The following TSPEAR variants were observed in gnomAD, a reference collection of about 807,000 sequenced individuals.
TSPEAR encodes thrombospondin-type laminin G domain and EAR repeat-containing protein.
Under a neutral mutation model 71.6 loss-of-function variants are expected in TSPEAR, and 69 were observed. The observed-to-expected ratio is 0.96, with a 90% CI of 0.79 to 1.18. The LOEUF (loss-of-function observed/expected upper bound fraction) is 1.18. Ranked by LOEUF, TSPEAR falls within the 50% of genes most tolerant of loss-of-function variation. The probability of loss-of-function intolerance (pLI) is 0.00; values close to 1 mark genes in which losing one functional copy is unlikely to be tolerated. For missense variants in TSPEAR, 971 were observed against 894.9 expected (o/e 1.09, Z -1.09); for synonymous variants, 402 against 387.2 (o/e 1.04, Z -0.45).
Position 44,522,061 on chromosome 21 carries a change from C to T in TSPEAR, c.1388G>A (p.Arg463Gln), listed in dbSNP as rs1161990904. 1.2e-5 allele frequency: 19 copies of T among 1,613,970 alleles called. No individual in the cohort carries two copies. The highest frequency in any genetic ancestry group is 2.2e-5 in the East Asian group (1 of 44,886). ...SVIYKWNPAT[R>Q]LFEANQTIAT... ...GATGGTCTGGTTGGCCTCGAAGAGC[C>T]GGGTTGCCGGGTTCCACTTGTAGAT... is the stretch of plus-strand genomic sequence containing the variant. The change falls in exon 9 of 12, where the codon CGG becomes CAG. Residue 463 changes from arginine to glutamine, a missense_variant. Arg to Gln is a conservative substitution (Grantham distance 43, BLOSUM62 1). Coordinates refer to ENST00000323084, the MANE Select transcript of TSPEAR (RefSeq NM_144991.3).
chr21:44,623,528 T>A lies in TSPEAR; in HGVS notation c.83-55523A>T, dbSNP rs183652130. Among the ~76,000 whole-genome samples the A allele has an allele frequency of 1.3e-4, 20 of 152,382 alleles. No individual in the cohort carries two copies. The East Asian group carries it at 3.8e-3, about 29-fold the overall frequency. On this transcript the variant is annotated intron_variant, in intron 1 of 11. Transcript: ENST00000323084. This position sits in a 1 kb window ranked among gnomAD's most constrained non-coding sequence, Gnocchi z 4.5. ...GTTGTCCTCCTTTTGTTACACTTCA[T>A]TTCCTTTTCGACTTCTTGCTTCCAT...
chr21:44,692,003 A>G (rs1703307471), intron 1 of TSPEAR, among the ~76,000 whole-genome samples: 1 of 152,224 alleles, frequency 6.6e-6, no homozygotes, highest in African/African-American at 2.4e-5. Flanking sequence ...TAAAAGGATT[A>G]TATACCATGA....
chr21:44,521,925 G>A lies in TSPEAR; in HGVS notation c.1524C>T (p.Tyr508=), dbSNP rs140557785. The change falls in exon 9 of 12, where the codon TAC becomes TAT. Residue 508 remains tyrosine (Y), a synonymous_variant. Coordinates refer to ENST00000323084, the MANE Select transcript of TSPEAR (RefSeq NM_144991.3). ...GCTGGAAGGAGCCCAGGAGTCGGATGTAGAGGTGCGAGTGCACCTTGGTGG... is the reference window on the plus strand; with the variant it reads ...GCTGGAAGGAGCCCAGGAGTCGGATATAGAGGTGCGAGTGCACCTTGGTGG... ...GTSTKVHSHL[Y]IRLLGSFQLF... The A allele has an allele frequency of 3.4e-5, 55 of 1,614,082 alleles. 1 individual carries two copies. The African/African-American group carries it at 5.6e-4, about 16-fold the overall frequency.
intron 11 of TSPEAR, among the ~76,000 whole-genome samples, chr21:44,504,049 A>C (rs587764200): frequency 2.8e-4 from 38 of 136,880 alleles, no homozygotes; most frequent in African/African-American, 9.8e-4. Context: ...TCTGGGAGGA[A>C]GTTGGCCTCG....
chr21:44,708,117 G>C (rs1346302570), intron 1 of TSPEAR, among the ~76,000 whole-genome samples: 1 of 152,082 alleles, frequency 6.6e-6, no homozygotes, highest in South Asian at 2.1e-4. Context: ...GGGAGTGCAA[G>C]TGTGCGCTGG....
At chr21:44,678,219 A>C in intron 1 of TSPEAR, 2 of 355,816 alleles carry the variant, frequency 5.6e-6, no homozygotes, top group Non-Finnish European at 1.0e-5. Flanking sequence ...CTGTGTCCCC[A>C]CCCAAACTTG....
At chr21:44,500,495 G>A (rs868910884) in intron 11 of TSPEAR, among the ~76,000 whole-genome samples, 3 of 152,272 alleles carry the variant, frequency 2.0e-5, no homozygotes, top group South Asian at 4.1e-4. Flanking sequence ...CCAAGGCAGG[G>A]CGCCGACATC....
Position 44,529,838 on chromosome 21 carries a change from C to T in TSPEAR, c.750G>A (p.Thr250=), listed in dbSNP as rs782208243. 81 of 1,613,792 alleles carry T rather than the reference C, an allele frequency of 5.0e-5. No individual in the cohort carries two copies. Among genetic ancestry groups the T allele is most frequent in the East Asian group, 2.2e-4 (10 of 44,892 alleles). The change falls in exon 5 of 12, where the codon ACG becomes ACA. Residue 250 remains threonine (T), a synonymous_variant. Coordinates refer to ENST00000323084, the MANE Select transcript of TSPEAR (RefSeq NM_144991.3). ...LSIPRVLQAL[T]GKPEDNEVLK... Reference sequence around the variant, plus strand: ...GCACCTCGTTATCTTCTGGCTTCCCCGTGAGAGCCTGCAGGACCCGTGGGA... The same window carrying T: ...GCACCTCGTTATCTTCTGGCTTCCCTGTGAGAGCCTGCAGGACCCGTGGGA...
chr21:44,597,157 G>GA (rs1204296567), intron 1 of TSPEAR, among the ~76,000 whole-genome samples: 1 of 151,648 alleles, frequency 6.6e-6, no homozygotes, highest in Non-Finnish European at 1.5e-5. Flanking sequence ...AGCTCTGCCA[G>GA]TTAAAAAAAT....
intron 2 of TSPEAR, among the ~76,000 whole-genome samples, chr21:44,548,258 G>A (rs1166858754): frequency 6.6e-6 from 1 of 152,212 alleles, no homozygotes; most frequent in African/African-American, 2.4e-5. Context: ...TCAGAAACTC[G>A]GGCTGCTGCC....
intron 1 of TSPEAR, among the ~76,000 whole-genome samples, chr21:44,588,766 T>A (rs185405540): frequency 4.2e-5 from 5 of 120,440 alleles, no homozygotes; most frequent in African/African-American, 5.6e-5. Context: ...TGTATGTGTG[T>A]ATATATATGT....
rs782511024 is a variant in TSPEAR, at chr21:44,574,573, TGCCTGTCTGCTGCAA to T, written c.83-6583_83-6569del. On this transcript the variant is annotated intron_variant, in intron 1 of 11. Transcript: ENST00000323084. ...TCTCCCTGCCAGCAGGCTTGCTGTG[TGCCTGTCTGCTGCAA>T]GCCTGTGTGCTGCAAGCCTGTCTGC... 3.1e-5 allele frequency: 50 copies of T among 1,605,412 alleles called. No homozygotes were observed. The East Asian group carries it at 9.0e-4, about 29-fold the overall frequency.
In TSPEAR at chr21:44,583,422, A is replaced by G. The variant is rs587602467; in HGVS notation, c.83-15417T>C. On this transcript the variant is annotated intron_variant, in intron 1 of 11. Coordinates refer to ENST00000323084, the MANE Select transcript of TSPEAR (RefSeq NM_144991.3). ...CAGCAGCCCTCTGGTCTTGTTTCCA[A>G]AGTTAACAGAAGCACCTCCTGCAGC... 1.4e-3 allele frequency among the ~76,000 whole-genome samples: 207 copies of G among 152,314 alleles called. 1 individual carries two copies. The highest frequency in any genetic ancestry group is 4.5e-3 in the African/African-American group (185 of 41,564).
chr21:44,614,690 C>T (rs1264367614), intron 1 of TSPEAR, among the ~76,000 whole-genome samples: 1 of 152,228 alleles, frequency 6.6e-6, no homozygotes, highest in African/African-American at 2.4e-5. Flanking sequence ...ATGAGACACG[C>T]AGAGCAAGAG....
intron 1 of TSPEAR, chr21:44,600,468 CAAGG>C: frequency 1.1e-6 from 1 of 906,474 alleles, no homozygotes; most frequent in African/African-American, 1.7e-5. Context: ...TAAACACAAA[CAAGG>C]AAGGGGCAGG....
At chr21:44,503,955 A>AAGTT (rs1465283463) in intron 11 of TSPEAR, among the ~76,000 whole-genome samples, 4 of 124,126 alleles carry the variant, frequency 3.2e-5, no homozygotes, top group African/African-American at 1.4e-4. Context: ...CTCTGGGAGG[A>AAGTT]GGCCGGAGTT....
rs34221889 is a variant in TSPEAR, at chr21:44,594,822, A to ATTTTTTT, written c.83-26824_83-26818dup. On this transcript the variant is annotated intron_variant, in intron 1 of 11. Coordinates refer to ENST00000323084, the MANE Select transcript of TSPEAR (RefSeq NM_144991.3). The stretch of plus-strand genomic sequence containing the variant: ...TTTTTTCCAAACTTACGGATCTGTG[A>ATTTTTTT]TTTTTTTTTTTTTTTTTTGAGATGC... Among the ~76,000 whole-genome samples the ATTTTTTT allele has an allele frequency of 8.7e-3, 1,093 of 125,458 alleles. 63 individuals are homozygous for ATTTTTTT. Among genetic ancestry groups the ATTTTTTT allele is most frequent in the African/African-American group, 0.032 (1,011 of 31,756 alleles). The allele number at this position is 125,458 out of a possible 152,430, so 82.3% of individuals were successfully genotyped here. A position where few individuals can be genotyped will look rare whatever the true frequency, so the allele number is the denominator to read the frequency against.
At chr21:44,592,581 C>A in intron 1 of TSPEAR, 1 of 1,514,644 alleles carries the variant, frequency 6.6e-7, no homozygotes. Context: ...CCCGGGCCCA[C>A]AGCTTCCCCT....
chr21:44,640,002 GTGTGACCC>G (rs587683955), intron 1 of TSPEAR, among the ~76,000 whole-genome samples: 369 of 152,336 alleles, frequency 2.4e-3, no homozygotes, highest in Non-Finnish European at 4.2e-3. Context: ...GTCACTCACT[GTGTGACCC>G]TGTGACCCTG....
Sources: gnomAD v4.1 joint callset for allele counts (sites outside exome capture counted in the v4.1 genomes callset) on GRCh38, gnomAD v4.1.1 for gene constraint, Gnocchi (gnomAD v3.1) non-coding constraint, MANE v1.5 for transcripts, NCBI Gene and HGNC (gene_info 2026-07-23, HGNC 2026-07-21) for gene names.